UNC5D: variants seen among roughly 807,000 people sequenced by gnomAD.
UNC5D encodes unc-5 netrin receptor D, also known as netrin receptor UNC5D.
Under a neutral mutation model 105.4 loss-of-function variants are expected in UNC5D, and 39 were observed. That is an observed-to-expected ratio of 0.37 (90% CI 0.29 to 0.48). UNC5D has a LOEUF of 0.48. Among genes scored for constraint, UNC5D ranks in the 20% least tolerant of loss-of-function variants. The probability of loss-of-function intolerance (pLI) is 0.98; values close to 1 mark genes in which losing one functional copy is unlikely to be tolerated. For synonymous variants in UNC5D, 452 were observed against 450.4 expected (o/e 1.00, Z -0.04); for missense variants, 991 against 1,202.4 (o/e 0.82, Z 2.60).
intron 16 of UNC5D, among the ~76,000 whole-genome samples, chr8:35,776,356 A>G (rs905687330): frequency 6.6e-6 from 1 of 152,368 alleles, no homozygotes; most frequent in East Asian, 1.9e-4. Flanking sequence ...TGCTGTAATT[A>G]ATTTGCTGAA....
At chr8:35,278,265 G>A (rs1323631697) in intron 1 of UNC5D, among the ~76,000 whole-genome samples, 1 of 152,302 alleles carries the variant, frequency 6.6e-6, no homozygotes. Context: ...CTCATCAGCA[G>A]CCCTGACACT....
chr8:35,242,266 T>G (rs1449858484), intron 1 of UNC5D, among the ~76,000 whole-genome samples: 3 of 152,158 alleles, frequency 2.0e-5, no homozygotes, highest in Non-Finnish European at 2.9e-5. Flanking sequence ...AATTGAATGC[T>G]ATGGCTTCCC....
At chr8:35,577,314 T>C (rs1468738057) in intron 3 of UNC5D, among the ~76,000 whole-genome samples, 4 of 152,218 alleles carry the variant, frequency 2.6e-5, no homozygotes, top group Non-Finnish European at 5.9e-5. Context: ...TACATTCAGT[T>C]GTGAGGTCAG....
At chr8:35,654,292 T>C (rs1001517381) in intron 4 of UNC5D, among the ~76,000 whole-genome samples, 3 of 152,212 alleles carry the variant, frequency 2.0e-5, no homozygotes, top group Non-Finnish European at 4.4e-5. Context: ...GAAGAACTCT[T>C]GAGAAAGACG....
chr8:35,288,831 A>G (rs1368964212), intron 1 of UNC5D, among the ~76,000 whole-genome samples: 1 of 152,196 alleles, frequency 6.6e-6, no homozygotes. Context: ...GACCACCACA[A>G]AAGTAGAAAC....
intron 1 of UNC5D, among the ~76,000 whole-genome samples, chr8:35,386,391 A>G (rs1479863094): frequency 2.0e-5 from 3 of 152,230 alleles, no homozygotes; most frequent in African/African-American, 2.4e-5. Context: ...AGAGCCTGCA[A>G]ATCAATCGGT....
intron 1 of UNC5D, among the ~76,000 whole-genome samples, chr8:35,239,486 T>C (rs973545747): frequency 8.1e-6 from 1 of 122,854 alleles, no homozygotes; most frequent in Non-Finnish European, 1.6e-5. Context: ...TTGATATCCT[T>C]CCCTTCTGCT....
intron 1 of UNC5D, among the ~76,000 whole-genome samples, chr8:35,380,087 T>TGGGG (rs143898919): frequency 3.8e-5 from 1 of 26,280 alleles, no homozygotes; most frequent in Non-Finnish European, 6.6e-5. Context: ...TAATTGGGGG[T>TGGGG]GGGGGGGGGG....
At chr8:35,655,594 A>G (rs1250438488) in intron 4 of UNC5D, among the ~76,000 whole-genome samples, 2 of 152,230 alleles carry the variant, frequency 1.3e-5, no homozygotes, top group Non-Finnish European at 2.9e-5. Context: ...CATTCCTTCA[A>G]TAACTTTCCA....
intron 4 of UNC5D, among the ~76,000 whole-genome samples, chr8:35,626,337 ATGTATTT>A (rs550605247): frequency 7.9e-5 from 12 of 151,288 alleles, no homozygotes; most frequent in African/African-American, 2.5e-4. Flanking sequence ...AAATATCTAT[ATGTATTT>A]TGTATTTTGT....
intron 1 of UNC5D, among the ~76,000 whole-genome samples, chr8:35,253,080 T>A (rs1803821005): frequency 1.3e-5 from 2 of 151,812 alleles, no homozygotes; most frequent in South Asian, 4.2e-4. Context: ...ATTATAGGAG[T>A]TTTGAGAGAG....
intron 16 of UNC5D, 136 bp from the exon 17 acceptor site, chr8:35,790,223 T>A: frequency 1.1e-6 from 1 of 909,808 alleles, no homozygotes. Context: ...GCCCCAGACC[T>A]GCCTTACTAT....
intron 1 of UNC5D, among the ~76,000 whole-genome samples, chr8:35,427,163 G>C (rs552807862): frequency 1.2e-4 from 19 of 152,240 alleles, no homozygotes; most frequent in Admixed American, 9.2e-4. Context: ...CTACCCCTTT[G>C]AATTATTCTG....
chr8:35,707,452 C>G (rs1827657226), intron 8 of UNC5D, among the ~76,000 whole-genome samples: 1 of 152,076 alleles, frequency 6.6e-6, no homozygotes, highest in Non-Finnish European at 1.5e-5. Context: ...AGTTTGGGGG[C>G]ACCTGGCTGT....
chr8:35,645,577 C>T (rs1456062722), intron 4 of UNC5D, among the ~76,000 whole-genome samples: 1 of 151,522 alleles, frequency 6.6e-6, no homozygotes, highest in Non-Finnish European at 1.5e-5. Flanking sequence ...GTTTCTAGTA[C>T]TCCAACCCTT....
intron 1 of UNC5D, among the ~76,000 whole-genome samples, chr8:35,258,708 A>G (rs1191253521): frequency 6.6e-6 from 1 of 152,200 alleles, no homozygotes; most frequent in African/African-American, 2.4e-5. Flanking sequence ...AGATCTAGAA[A>G]TAAAAGCGAC....
At chr8:35,259,339 AT>A (rs1290780710) in intron 1 of UNC5D, among the ~76,000 whole-genome samples, 2 of 152,084 alleles carry the variant, frequency 1.3e-5, no homozygotes, top group Non-Finnish European at 2.9e-5. Context: ...GTGGACACAG[AT>A]TTTACCCACA....
At position 35,790,605 on chromosome 8, in the gene UNC5D, A is replaced by T. The variant is rs776885135; in HGVS notation, c.*42A>T. 4.4e-6 allele frequency: 7 copies of T among 1,608,288 alleles called. No individual in the cohort carries two copies. The South Asian group carries it at 7.7e-5, about 18-fold the overall frequency. Reference sequence around the variant, plus strand: ...AGACAGAGTGATGGCCAGCTTGGGGACATTTGCTTTAAATGGGAAAGAGGC... The same window carrying T: ...AGACAGAGTGATGGCCAGCTTGGGGTCATTTGCTTTAAATGGGAAAGAGGC... On this transcript the variant is annotated 3_prime_UTR_variant, in exon 17 of 17. Coordinates refer to ENST00000404895, the MANE Select transcript of UNC5D (RefSeq NM_080872.4).
intron 1 of UNC5D, among the ~76,000 whole-genome samples, chr8:35,307,052 TAGA>T (rs1185217363): frequency 1.2e-4 from 18 of 152,188 alleles, no homozygotes; most frequent in East Asian, 1.9e-4. Context: ...TGGGCTACAT[TAGA>T]AGAAGAATTG....
Sources: allele counts gnomAD v4.1 joint callset (sites outside exome capture counted in the v4.1 genomes callset), GRCh38; gene constraint gnomAD v4.1.1; transcripts MANE v1.5; gene names NCBI Gene and HGNC (gene_info 2026-07-23, HGNC 2026-07-21).